Variants in ANKS1B observed in about 807,000 individuals in gnomAD.
ANKS1B encodes the protein ankyrin repeat and sterile alpha motif domain containing 1B.
ANKS1B carries 36 observed loss-of-function variants against 148.3 expected under a neutral mutation model. The ratio of observed to expected loss-of-function variants is 0.24; its 90% CI spans 0.19 to 0.32. The LOEUF is 0.32. Among genes scored for constraint, ANKS1B ranks in the 10% least tolerant of loss-of-function variants. The pLI is 1.00. For missense variants in ANKS1B, 1,157 were observed against 1,542.6 expected, an observed-to-expected ratio of 0.75 and a Z score of 4.19; for synonymous variants, 542 against 560.8, an observed-to-expected ratio of 0.97 and a Z score of 0.47.
At chr12:98,884,715 C>T (rs1161314953) in intron 17 of ANKS1B, among the ~76,000 whole-genome samples, 3 of 148,054 alleles carry the variant, frequency 2.0e-5, no homozygotes, top group South Asian at 4.3e-4. Flanking sequence ...AGGAGAATGG[C>T]GTGAACCCGG....
intron 9 of ANKS1B, among the ~76,000 whole-genome samples, chr12:99,544,855 T>C (rs1294828336): frequency 2.0e-5 from 3 of 152,186 alleles, no homozygotes; most frequent in East Asian, 3.8e-4. Context: ...CAAATACTAT[T>C]TATAAAACCC....
intron 12 of ANKS1B, among the ~76,000 whole-genome samples, chr12:99,259,903 G>C (rs914614144): frequency 1.3e-5 from 2 of 152,320 alleles, no homozygotes; most frequent in Non-Finnish European, 1.5e-5. Context: ...TTCTGTGCTA[G>C]GAGTATTTCC....
At chr12:99,043,362 A>G (rs187362468) in intron 17 of ANKS1B, among the ~76,000 whole-genome samples, 1 of 152,280 alleles carries the variant, frequency 6.6e-6, no homozygotes, top group East Asian at 1.9e-4. Flanking sequence ...CAAAAATAAA[A>G]CTCTCTTGAC....
chr12:99,952,788 G>A (rs1358417397), intron 1 of ANKS1B, among the ~76,000 whole-genome samples: 1 of 152,164 alleles, frequency 6.6e-6, no homozygotes, highest in African/African-American at 2.4e-5. Context: ...ACTCTCTGCA[G>A]GTAGCATTCT....
intron 17 of ANKS1B, among the ~76,000 whole-genome samples, chr12:99,052,734 C>CAAAAAAAAAAAAAA (rs56965572): frequency 7.7e-5 from 2 of 26,002 alleles, no homozygotes; most frequent in African/African-American, 3.8e-4. Context: ...GACTCCGTCT[C>CAAAAAAAAAAAAAA]AAAAAAAAAA....
At chr12:99,934,557 A>G (rs867095172) in intron 1 of ANKS1B, among the ~76,000 whole-genome samples, 35 of 152,256 alleles carry the variant, frequency 2.3e-4, no homozygotes, top group Middle Eastern at 6.8e-3. Context: ...TTTGGTATAT[A>G]GCTGCTCACA....
At chr12:99,123,939 A>G (rs2063604855) in intron 15 of ANKS1B, among the ~76,000 whole-genome samples, 1 of 152,156 alleles carries the variant, frequency 6.6e-6, no homozygotes, top group Admixed American at 6.5e-5. Context: ...TTGACACTCA[A>G]TTGTAACCAT....
chr12:99,297,908 T>G (rs1232354454), intron 12 of ANKS1B, among the ~76,000 whole-genome samples: 1 of 152,136 alleles, frequency 6.6e-6, no homozygotes. Flanking sequence ...TAGATACCTT[T>G]TTTTTTTGCT....
chr12:99,142,039 T>G (rs1048198140), intron 15 of ANKS1B, among the ~76,000 whole-genome samples: 2 of 152,012 alleles, frequency 1.3e-5, no homozygotes, highest in Admixed American at 6.6e-5. Context: ...GGTAGAAAAC[T>G]TTGCTTCTGT....
At chr12:98,851,900 T>A (rs971891306) in intron 17 of ANKS1B, among the ~76,000 whole-genome samples, 1 of 151,826 alleles carries the variant, frequency 6.6e-6, no homozygotes, top group Non-Finnish European at 1.5e-5. Context: ...GGTGCACGCC[T>A]GTAGTCCCAC....
chr12:99,613,894 A>T (rs1243434032), intron 9 of ANKS1B, among the ~76,000 whole-genome samples: 3 of 152,004 alleles, frequency 2.0e-5, no homozygotes, highest in Non-Finnish European at 4.4e-5. Flanking sequence ...GAAAAAAAAA[A>T]GTCCTGCCAA....
At chr12:99,364,265 C>A (rs547100814) in intron 12 of ANKS1B, among the ~76,000 whole-genome samples, 2 of 136,912 alleles carry the variant, frequency 1.5e-5, no homozygotes, top group African/African-American at 6.0e-5. Context: ...AGTAGACAAG[C>A]AGTATATATA....
intron 19 of ANKS1B, among the ~76,000 whole-genome samples, chr12:98,822,097 T>G (rs562850377): frequency 5.3e-5 from 8 of 152,174 alleles, no homozygotes; most frequent in African/African-American, 1.9e-4. Context: ...AAACAGCACC[T>G]GGATCCAGGA....
At chr12:99,267,054 T>C (rs11109787) in intron 12 of ANKS1B, among the ~76,000 whole-genome samples, 20,573 of 152,180 alleles carry the variant, frequency 0.14, 3,638 homozygotes, top group African/African-American at 0.41. Flanking sequence ...AATAGGCACC[T>C]TGATTGCAAC....
intron 12 of ANKS1B, among the ~76,000 whole-genome samples, chr12:99,269,170 T>G (rs1398634490): frequency 6.6e-6 from 1 of 152,212 alleles, no homozygotes; most frequent in Admixed American, 6.5e-5. Context: ...CTTTGCAATT[T>G]GAAGTTAAGA....
At chr12:98,735,042 G>GT (rs1453880471) in exon 10 of ANKS1B, 2 of 392,818 alleles carry the variant, frequency 5.1e-6, no homozygotes, top group African/African-American at 4.1e-5. Context: ...GAGCCCTGGA[G>GT]TTTGAGTCCA....
At chr12:99,260,508 G>A (rs963682940) in intron 12 of ANKS1B, among the ~76,000 whole-genome samples, 11 of 152,120 alleles carry the variant, frequency 7.2e-5, no homozygotes, top group African/African-American at 2.7e-4. Flanking sequence ...GTTATCAAAA[G>A]TGTAATACTA....
At chr12:98,768,783 C>T (rs1383318541) in intron 25 of ANKS1B, among the ~76,000 whole-genome samples, 2 of 151,594 alleles carry the variant, frequency 1.3e-5, no homozygotes, top group African/African-American at 4.8e-5. Context: ...GCTTAAGAAG[C>T]CCCGCACACT....
chr12:99,981,747 G>A (rs1218918876), intron 1 of ANKS1B, among the ~76,000 whole-genome samples: 1 of 152,076 alleles, frequency 6.6e-6, no homozygotes, highest in Non-Finnish European at 1.5e-5. Context: ...GCTGACACAA[G>A]AATTGAATGA....
Sources: gnomAD v4.1 joint callset for allele counts (sites outside exome capture counted in the v4.1 genomes callset) on GRCh38, gnomAD v4.1.1 for gene constraint, MANE v1.5 for transcripts, NCBI Gene and HGNC (gene_info 2026-07-23, HGNC 2026-07-21) for gene names.